Variants in GAS7 observed in about 807,000 individuals in gnomAD.
GAS7 encodes the protein growth arrest specific 7, also known as growth arrest-specific protein 7.
In GAS7, 28 loss-of-function variants were observed where a neutral mutation model predicts 71.1. The ratio of observed to expected loss-of-function variants is 0.39; its 90% confidence interval spans 0.29 to 0.54. GAS7 has a LOEUF of 0.54. Ranked by LOEUF, GAS7 falls within the 20% of genes least tolerant of loss-of-function variation. GAS7 has a pLI of 0.62. For synonymous variants in GAS7, 258 were observed against 245.8 expected (o/e 1.05, Z -0.46); for missense variants, 436 against 627.8 (o/e 0.69, Z 3.27).
At chr17:10,021,188 G>A (rs1357325857) in intron 1 of GAS7, among the ~76,000 whole-genome samples, 2 of 152,204 alleles carry the variant, frequency 1.3e-5, no homozygotes, top group Non-Finnish European at 2.9e-5. Context: ...GAATTTCTCA[G>A]CAAAGCCAGG....
chr17:10,075,209 A>T (rs1281353264), intron 1 of GAS7, among the ~76,000 whole-genome samples: 1 of 152,098 alleles, frequency 6.6e-6, no homozygotes, highest in Non-Finnish European at 1.5e-5. Context: ...TACAAAAATT[A>T]GCCAGGCGTG....
At chr17:10,079,103 G>T (rs1019200564) in intron 1 of GAS7, among the ~76,000 whole-genome samples, 1 of 152,114 alleles carries the variant, frequency 6.6e-6, no homozygotes, top group African/African-American at 2.4e-5. Flanking sequence ...CACACCACTG[G>T]ACTCCTGGCT....
chr17:10,142,021 G>C (rs1452974381), intron 1 of GAS7, among the ~76,000 whole-genome samples: 5 of 151,926 alleles, frequency 3.3e-5, no homozygotes, highest in Admixed American at 6.6e-5. Flanking sequence ...GAGGTCAGGA[G>C]ATCAAGACCA....
At chr17:10,130,177 AAAC>A (rs2073985269) in intron 1 of GAS7, among the ~76,000 whole-genome samples, 1 of 149,788 alleles carries the variant, frequency 6.7e-6, no homozygotes, top group African/African-American at 2.5e-5. Context: ...TCAAAAAAAA[AAAC>A]AAAAAAAAAC....
In GAS7 at chr17:9,992,571, T is replaced by C. The variant is rs1266054068; in HGVS notation, c.305-10687A>G. The stretch of plus-strand genomic sequence containing the variant: ...GCCTCCTTCCCAAAGTCTTTTTTTT[T>C]TTATTGTAATTTTATTTATTTTTTT... On this transcript the variant is annotated intron_variant, in intron 2 of 13. Transcript: ENST00000432992. Among the ~76,000 whole-genome samples the C allele has an allele frequency of 1.3e-5, 2 of 151,308 alleles. 1 individual carries two copies. The highest frequency in any genetic ancestry group is 4.1e-4 in the South Asian group (2 of 4,822).
intron 1 of GAS7, among the ~76,000 whole-genome samples, chr17:10,160,326 AT>A (rs750503974): frequency 2.6e-5 from 4 of 152,178 alleles, no homozygotes; most frequent in Non-Finnish European, 4.4e-5. Context: ...GGTATTTTTA[AT>A]TGTTTCTCTT....
At chr17:10,170,613 T>C (rs2074329098) in intron 1 of GAS7, among the ~76,000 whole-genome samples, 1 of 152,198 alleles carries the variant, frequency 6.6e-6, no homozygotes, top group African/African-American at 2.4e-5. Flanking sequence ...ACCATGCAGT[T>C]TGCTTAGTTT....
chr17:10,052,652 G>A (rs188925086), intron 1 of GAS7, among the ~76,000 whole-genome samples: 14 of 152,284 alleles, frequency 9.2e-5, no homozygotes, highest in South Asian at 4.1e-4. Context: ...CAGAGGCTCC[G>A]TCCTCACCCT....
intron 1 of GAS7, among the ~76,000 whole-genome samples, chr17:10,109,210 C>T (rs1462895800): frequency 6.6e-6 from 1 of 152,098 alleles, no homozygotes; most frequent in Non-Finnish European, 1.5e-5. Context: ...AGAAGACATA[C>T]AAATTGCTAA....
intron 2 of GAS7, among the ~76,000 whole-genome samples, chr17:9,997,540 G>A (rs189736255): frequency 2.6e-5 from 4 of 152,132 alleles, no homozygotes; most frequent in East Asian, 3.9e-4. Context: ...AGTTTTCCCC[G>A]CCATACTAGC....
At chr17:10,114,627 A>C (rs1416664173) in intron 1 of GAS7, 1 of 152,026 alleles carries the variant, frequency 6.6e-6, no homozygotes, top group African/African-American at 2.4e-5. Context: ...GGCTGTGTCC[A>C]ATTAGCCACC....
chr17:10,084,927 G>A (rs909454812), intron 1 of GAS7, among the ~76,000 whole-genome samples: 2 of 152,142 alleles, frequency 1.3e-5, no homozygotes, highest in Admixed American at 6.6e-5. Context: ...GTGTGTGACC[G>A]ATGGCCCCCT....
At chr17:10,179,261 G>C (rs748050262) in intron 1 of GAS7, among the ~76,000 whole-genome samples, 1 of 151,912 alleles carries the variant, frequency 6.6e-6, no homozygotes, top group Non-Finnish European at 1.5e-5. Flanking sequence ...GCTGGGAGGC[G>C]GATGTTGCAG....
intron 1 of GAS7, among the ~76,000 whole-genome samples, chr17:10,141,989 G>C (rs1257272131): frequency 2.0e-5 from 3 of 150,688 alleles, no homozygotes; most frequent in African/African-American, 4.8e-5. Flanking sequence ...AGCACTTTGG[G>C]GGGCCGAGGT....
At chr17:10,166,267 ACCACTTCAGCCTC>A (rs1262840031) in intron 1 of GAS7, among the ~76,000 whole-genome samples, 3 of 151,952 alleles carry the variant, frequency 2.0e-5, no homozygotes, top group Non-Finnish European at 4.4e-5. Flanking sequence ...AAGCAATCCT[ACCACTTCAGCCTC>A]CCAAAGTGGT....
At chr17:9,966,535 C>T (rs1234812733) in intron 4 of GAS7, among the ~76,000 whole-genome samples, 1 of 152,138 alleles carries the variant, frequency 6.6e-6, no homozygotes, top group Non-Finnish European at 1.5e-5. Flanking sequence ...TAACTGACAG[C>T]AGGGATGGTG....
At chr17:9,997,058 C>A (rs2071075616) in intron 2 of GAS7, among the ~76,000 whole-genome samples, 1 of 152,134 alleles carries the variant, frequency 6.6e-6, no homozygotes, top group Non-Finnish European at 1.5e-5. Context: ...AGACCAGAAA[C>A]AGACTCAGCC....
At chr17:10,106,563 A>G (rs997524949) in intron 1 of GAS7, among the ~76,000 whole-genome samples, 1 of 152,168 alleles carries the variant, frequency 6.6e-6, no homozygotes, top group Non-Finnish European at 1.5e-5. Context: ...TGAGATTTGC[A>G]TCTTTAGAGC....
chr17:9,976,604 G>T (rs1198133424), intron 3 of GAS7, among the ~76,000 whole-genome samples: 1 of 152,130 alleles, frequency 6.6e-6, no homozygotes, highest in Non-Finnish European at 1.5e-5. Context: ...AGGCTCAAAG[G>T]AAGGTCCTCC....
Sources: gnomAD v4.1 joint callset for allele counts (sites outside exome capture counted in the v4.1 genomes callset) on GRCh38, gnomAD v4.1.1 for gene constraint, MANE v1.5 for transcripts, NCBI Gene and HGNC (gene_info 2026-07-23, HGNC 2026-07-21) for gene names.